Variants in KIRREL3 observed in about 807,000 individuals in gnomAD.
The protein encoded by KIRREL3 is kirre like nephrin family adhesion molecule 3.
Under a neutral mutation model 89.7 loss-of-function variants are expected in KIRREL3, and 36 were observed. The ratio of observed to expected loss-of-function variants is 0.40; its 90% CI spans 0.31 to 0.53. The LOEUF (loss-of-function observed/expected upper bound fraction) is 0.53. KIRREL3 is among the 20% of genes least tolerant of loss of function. The pLI, the probability that KIRREL3 is intolerant of heterozygous loss-of-function variation, is 0.49. For synonymous variants in KIRREL3, 445 were observed against 441.4 expected (o/e 1.01, Z -0.10); for missense variants, 864 against 1,056.6 (o/e 0.82, Z 2.53).
chr11:126,784,173 C>A (rs12276171), intron 1 of KIRREL3, among the ~76,000 whole-genome samples: 2,002 of 152,022 alleles, frequency 0.013, 33 homozygotes, highest in African/African-American at 0.042. Flanking sequence ...GCCCCTGGGG[C>A]AGAAAAAGGA....
rs1221131232 is a variant in KIRREL3 at position 126,748,002 on chromosome 11, C to T, written c.56-185090G>A. ...TCTCCATCTGACCCGTGCCTAGCAT[C>T]GTGGCCCCTGTAAAGGGCTCTTCCA... is the stretch of plus-strand genomic sequence containing the variant. On this transcript the variant is annotated intron_variant, in intron 1 of 16. Transcript: ENST00000525144. This position sits in a 1 kb window ranked among gnomAD's most constrained non-coding sequence, Gnocchi z 4.6. 3.9e-5 allele frequency among the ~76,000 whole-genome samples: 6 copies of T among 152,184 alleles called. No individual in the cohort carries two copies. The highest frequency in any genetic ancestry group is 1.9e-4 in the East Asian group (1 of 5,188).
chr11:126,570,631 C>T lies in KIRREL3; in HGVS notation c.56-7719G>A, dbSNP rs946760804. 5.3e-5 allele frequency among the ~76,000 whole-genome samples: 8 copies of T among 152,312 alleles called. No individual in the cohort carries two copies. The highest frequency in any genetic ancestry group is 1.9e-4 in the East Asian group (1 of 5,178). On this transcript the variant is annotated intron_variant, in intron 1 of 16. Transcript: ENST00000525144. This position sits in a 1 kb window ranked among gnomAD's most constrained non-coding sequence, Gnocchi z 6.1. The stretch of plus-strand genomic sequence containing the variant: ...TGGCAGTGCCTAACACTGGGATAAC[C>T]CTTTGCCAGCCCTGCCTTCTCCAGC...
At position 126,672,977 on chromosome 11, in the gene KIRREL3, C is replaced by T. The variant is rs75505017; in HGVS notation, c.56-110065G>A. ...CATCAAATTATAGAAAGTAGCATAA[C>T]AAATAGGCTTGAGTTTCCTCATCTC... is the stretch of plus-strand genomic sequence containing the variant. On this transcript the variant is annotated intron_variant, in intron 1 of 16. Coordinates refer to ENST00000525144, the MANE Select transcript of KIRREL3 (RefSeq NM_032531.4). Among the ~76,000 whole-genome samples, 121 of 152,288 alleles carry T rather than the reference C, an allele frequency of 7.9e-4. 1 individual carries two copies. In the East Asian group the frequency reaches 0.022, roughly 28 times the overall value.
intron 1 of KIRREL3, among the ~76,000 whole-genome samples, chr11:126,923,831 G>A (rs540761639): frequency 1.3e-5 from 2 of 152,156 alleles, no homozygotes; most frequent in East Asian, 1.9e-4. Flanking sequence ...CTGAGCTCCA[G>A]CCCTATGTAC....
rs1007296198 is a variant in KIRREL3, at chr11:126,906,906, C to G, written c.55+93549G>C. Among the ~76,000 whole-genome samples, 1 of 152,054 alleles carries G rather than the reference C, an allele frequency of 6.6e-6. No individual in the cohort carries two copies. Among genetic ancestry groups the G allele is most frequent in the African/African-American group, 2.4e-5 (1 of 41,386 alleles). ...CTACATTTTCTTTTTCTGTGTAATTCCATTTGATAAAGAAAAAGCATTTAG... is the reference window on the plus strand; with the variant it reads ...CTACATTTTCTTTTTCTGTGTAATTGCATTTGATAAAGAAAAAGCATTTAG... On this transcript the variant is annotated intron_variant, in intron 1 of 16. Transcript: ENST00000525144. The surrounding 1 kb of genome is among the most constrained non-coding windows in gnomAD (Gnocchi z 4.1).
Position 126,615,028 on chromosome 11 carries a change from C to T in KIRREL3, c.56-52116G>A, listed in dbSNP as rs990807478. Among the ~76,000 whole-genome samples the T allele has an allele frequency of 6.6e-6, 1 of 152,046 alleles. No homozygotes were observed. The highest frequency in any genetic ancestry group is 6.6e-5 in the Admixed American group (1 of 15,260). Reference sequence around the variant, plus strand: ...GGCGTGATTTGCGGTCTTCAAGAGGCTGAAAGGCTGTCATGTGGAAGAGGG... The same window carrying T: ...GGCGTGATTTGCGGTCTTCAAGAGGTTGAAAGGCTGTCATGTGGAAGAGGG... On this transcript the variant is annotated intron_variant, in intron 1 of 16. Coordinates refer to ENST00000525144, the MANE Select transcript of KIRREL3 (RefSeq NM_032531.4). This position sits in a 1 kb window ranked among gnomAD's most constrained non-coding sequence, Gnocchi z 5.4.
In KIRREL3 at chr11:126,993,374, C is replaced by T. The variant is rs1196982393; in HGVS notation, c.55+7081G>A. Among the ~76,000 whole-genome samples the T allele has an allele frequency of 6.6e-6, 1 of 152,220 alleles. No individual in the cohort carries two copies. The highest frequency in any genetic ancestry group is 1.5e-5 in the Non-Finnish European group (1 of 68,036). ...GCTTCTGAACATATCGCATTCTGTTCTGCCTTTTGTATTTGCATACACTGT... is the reference window on the plus strand; with the variant it reads ...GCTTCTGAACATATCGCATTCTGTTTTGCCTTTTGTATTTGCATACACTGT... On this transcript the variant is annotated intron_variant, in intron 1 of 16. Coordinates refer to ENST00000525144, the MANE Select transcript of KIRREL3 (RefSeq NM_032531.4). This position sits in a 1 kb window ranked among gnomAD's most constrained non-coding sequence, Gnocchi z 6.1.
intron 7 of KIRREL3, among the ~76,000 whole-genome samples, chr11:126,450,547 ATGTGCATGTGTGCATGTGCG>A (rs1340837766): frequency 4.2e-5 from 5 of 120,402 alleles, no homozygotes; most frequent in East Asian, 2.8e-4. Context: ...ATGTGTGTCA[ATGTGCATGTGTGCATGTGCG>A]TGTGCATGTG....
Position 126,424,526 on chromosome 11 carries a change from C to T in KIRREL3, c.*54G>A, listed in dbSNP as rs1209149290. On this transcript the variant is annotated 3_prime_UTR_variant, in exon 17 of 17. Coordinates refer to ENST00000525144, the MANE Select transcript of KIRREL3 (RefSeq NM_032531.4). ...AAAGTACCCCTCGTCCCTGGACAAC[C>T]AGAACGTGCCCTGACCTCTTCCCTG... The T allele has an allele frequency of 3.2e-6, 5 of 1,566,224 alleles. No homozygotes were observed. Among genetic ancestry groups the T allele is most frequent in the Non-Finnish European group, 3.5e-6 (4 of 1,145,772 alleles).
At chr11:126,925,535 G>A (rs1240843968) in intron 1 of KIRREL3, among the ~76,000 whole-genome samples, 1 of 152,210 alleles carries the variant, frequency 6.6e-6, no homozygotes, top group African/African-American at 2.4e-5. Context: ...CTGAGCAGGA[G>A]AGCAGATGTC....
In KIRREL3 at chr11:126,963,722, A is replaced by T. The variant is rs540074760; in HGVS notation, c.55+36733T>A. Among the ~76,000 whole-genome samples the T allele has an allele frequency of 3.9e-5, 6 of 152,264 alleles. No individual in the cohort carries two copies. In the East Asian group the frequency reaches 9.6e-4, roughly 24 times the overall value. ...CCTCCTATACCTCCTACACTTATGA[A>T]ATGTGTTTCTTACGTCTTCAGCCAA... On this transcript the variant is annotated intron_variant, in intron 1 of 16. Transcript: ENST00000525144.
At chr11:126,922,121 G>GTCTGTCTATCTATCTATCTATCTA (rs61078651) in intron 1 of KIRREL3, among the ~76,000 whole-genome samples, 61 of 140,082 alleles carry the variant, frequency 4.4e-4, no homozygotes, top group East Asian at 6.7e-4. Flanking sequence ...CTATCTGTCT[G>GTCTGTCTATCTATCTATCTATCTA]TCTATCTATC....
Position 126,608,819 on chromosome 11 carries a change from C to T in KIRREL3, c.56-45907G>A, listed in dbSNP as rs1180238084. Among the ~76,000 whole-genome samples, 1 of 152,120 alleles carries T rather than the reference C, an allele frequency of 6.6e-6. No homozygotes were observed. Among genetic ancestry groups the T allele is most frequent in the Non-Finnish European group, 1.5e-5 (1 of 68,016 alleles). On this transcript the variant is annotated intron_variant, in intron 1 of 16. Coordinates refer to ENST00000525144, the MANE Select transcript of KIRREL3 (RefSeq NM_032531.4). This position sits in a 1 kb window ranked among gnomAD's most constrained non-coding sequence, Gnocchi z 4.9. ...TCCTGGGGCCTAACTGCTGGGAGTG[C>T]ACTTCTGGAGTGGAGATGGGCAATG...
rs573079235 is a variant in KIRREL3, at chr11:126,605,880, C to G, written c.56-42968G>C. ...CTTTCCTCTGGGATCAAATTAGAGG[C>G]ACAAAGGGCAGAAGGGAACCTTGGA... is the stretch of plus-strand genomic sequence containing the variant. On this transcript the variant is annotated intron_variant, in intron 1 of 16. Coordinates refer to ENST00000525144, the MANE Select transcript of KIRREL3 (RefSeq NM_032531.4). This position sits in a 1 kb window ranked among gnomAD's most constrained non-coding sequence, Gnocchi z 5.7. 6.6e-6 allele frequency among the ~76,000 whole-genome samples: 1 copy of G among 152,276 alleles called. No individual in the cohort carries two copies. The highest frequency in any genetic ancestry group is 1.9e-4 in the East Asian group (1 of 5,180).
chr11:126,931,395 C>T lies in KIRREL3; in HGVS notation c.55+69060G>A, dbSNP rs1947943087. Among the ~76,000 whole-genome samples the T allele has an allele frequency of 1.3e-5, 2 of 152,156 alleles. No individual in the cohort carries two copies. The highest frequency in any genetic ancestry group is 1.3e-4 in the Admixed American group (2 of 15,282). Reference sequence around the variant, plus strand: ...CTTCCTCCCTACCCCACCCTACTTTCCTGTCAATCACTCCACAAGCATTCA... The same window carrying T: ...CTTCCTCCCTACCCCACCCTACTTTTCTGTCAATCACTCCACAAGCATTCA... On this transcript the variant is annotated intron_variant, in intron 1 of 16. Transcript: ENST00000525144. The surrounding 1 kb of genome is among the most constrained non-coding windows in gnomAD (Gnocchi z 5.1).
intron 1 of KIRREL3, among the ~76,000 whole-genome samples, chr11:126,596,872 G>A (rs1591795778): frequency 6.6e-6 from 1 of 152,224 alleles, no homozygotes; most frequent in Admixed American, 6.5e-5. Context: ...GAGAGACAGA[G>A]CCCGGGCTGC....
intron 2 of KIRREL3, among the ~76,000 whole-genome samples, chr11:126,536,709 T>C (rs1591698576): frequency 6.9e-6 from 1 of 144,118 alleles, no homozygotes; most frequent in Admixed American, 7.4e-5. Flanking sequence ...AGTGGTGCGA[T>C]CTCGGCTTCA....
At chr11:126,446,271 TTTCTTTTCTTTCTC>T (rs202240096) in intron 9 of KIRREL3, among the ~76,000 whole-genome samples, 5,765 of 142,998 alleles carry the variant, frequency 0.04, 151 homozygotes, top group East Asian at 0.082. Flanking sequence ...TTTCTCTCTC[TTTCTTTTCTTTCTC>T]CTTTCTTTCT....
intron 1 of KIRREL3, chr11:126,936,971 A>T (rs1948216062): frequency 6.6e-6 from 1 of 152,246 alleles, no homozygotes; most frequent in East Asian, 1.9e-4. Context: ...AGGAGGGTAC[A>T]CGAATGCAGA....
Sources: allele counts gnomAD v4.1 joint callset (sites outside exome capture counted in the v4.1 genomes callset), GRCh38; gene constraint gnomAD v4.1.1; non-coding constraint Gnocchi (gnomAD v3.1); transcripts MANE v1.5; gene names NCBI Gene and HGNC (gene_info 2026-07-23, HGNC 2026-07-21).